ABLIM1: variants seen among roughly 807,000 people sequenced by gnomAD.
ABLIM1 encodes actin-binding LIM protein 1.
In ABLIM1, 40 loss-of-function variants were observed where a neutral mutation model predicts 107.0. The observed-to-expected ratio is 0.37, with a 90% CI of 0.29 to 0.49. The LOEUF (loss-of-function observed/expected upper bound fraction) is 0.49, where lower values mean the gene tolerates loss of function less well. Among genes scored for constraint, ABLIM1 ranks in the 20% least tolerant of loss-of-function variants. The probability of loss-of-function intolerance (pLI) is 0.97; values close to 1 mark genes in which losing one functional copy is unlikely to be tolerated. For synonymous variants in ABLIM1, 357 were observed against 357.3 expected, an observed-to-expected ratio of 1.00 and a Z score of 0.01; for missense variants, 857 against 1,008.5, an observed-to-expected ratio of 0.85 and a Z score of 2.04.
chr10:114,769,758 C>A (rs2083000810), upstream of ABLIM1, among the ~76,000 whole-genome samples: 1 of 151,580 alleles, frequency 6.6e-6, no homozygotes, highest in Non-Finnish European at 1.5e-5. Flanking sequence ...TGAAAAAAAC[C>A]CAACCAAATG....
At chr10:114,643,027 G>A (rs955634) in intron 1 of ABLIM1, among the ~76,000 whole-genome samples, 10,753 of 152,242 alleles carry the variant, frequency 0.071, 462 homozygotes, top group South Asian at 0.12. Context: ...ACAGAAAGGT[G>A]TTCAGGAAGC....
At chr10:114,667,629 T>C (rs2080080916) in intron 1 of ABLIM1, among the ~76,000 whole-genome samples, 1 of 152,200 alleles carries the variant, frequency 6.6e-6, no homozygotes, top group South Asian at 2.1e-4. Context: ...TCTGTCAAGA[T>C]ATAGAACACT....
the ABLIM1 span, among the ~76,000 whole-genome samples, chr10:114,799,815 A>C: frequency 6.6e-6 from 1 of 152,102 alleles, no homozygotes; most frequent in South Asian, 2.1e-4. Flanking sequence ...TCTGTTGTCC[A>C]AGCTGGAGTG....
chr10:114,765,377 C>A (rs75195500), intron 1 of ABLIM1, among the ~76,000 whole-genome samples: 3,036 of 151,562 alleles, frequency 0.02, 87 homozygotes, highest in African/African-American at 0.068. Context: ...AAAAAATATT[C>A]TATTATTCCT....
At chr10:114,555,661 C>T (rs1285877977) in intron 4 of ABLIM1, among the ~76,000 whole-genome samples, 1 of 152,148 alleles carries the variant, frequency 6.6e-6, no homozygotes, top group Non-Finnish European at 1.5e-5. Flanking sequence ...CTAACCAATG[C>T]TTGCTGAGAC....
intron 6 of ABLIM1, among the ~76,000 whole-genome samples, chr10:114,501,005 A>C (rs1388317528): frequency 6.6e-6 from 1 of 152,198 alleles, no homozygotes; most frequent in Admixed American, 6.5e-5. Flanking sequence ...CAGTGAATTA[A>C]TATGCCAACA....
At chr10:114,437,321 C>CT (rs1314987276) in intron 22 of ABLIM1, among the ~76,000 whole-genome samples, 12,381 of 134,562 alleles carry the variant, frequency 0.092, 534 homozygotes, top group African/African-American at 0.1. Context: ...TTCTTTCTTT[C>CT]TTTTTTTTTT....
the ABLIM1 span, among the ~76,000 whole-genome samples, chr10:114,800,769 A>G: frequency 6.6e-6 from 1 of 152,146 alleles, no homozygotes; most frequent in Non-Finnish European, 1.5e-5. Context: ...AAAATTAGCC[A>G]GGCATGGCGC....
chr10:114,528,610 A>G (rs1400297392), intron 6 of ABLIM1, among the ~76,000 whole-genome samples: 2 of 152,180 alleles, frequency 1.3e-5, no homozygotes, highest in Non-Finnish European at 2.9e-5. Flanking sequence ...GCATCTGTGG[A>G]CTTCCCTGTA....
chr10:114,660,011 T>C (rs2079718489), upstream of ABLIM1, among the ~76,000 whole-genome samples: 1 of 152,220 alleles, frequency 6.6e-6, no homozygotes, highest in African/African-American at 2.4e-5. Context: ...AGAATTATTC[T>C]ATGCCAATGT....
chr10:114,675,040 C>T (rs1360269667), intron 1 of ABLIM1, among the ~76,000 whole-genome samples: 1 of 152,050 alleles, frequency 6.6e-6, no homozygotes, highest in Non-Finnish European at 1.5e-5. Flanking sequence ...GTGGTTATAA[C>T]CAAATGCTCC....
At chr10:114,499,050 C>T (rs1276980095) in intron 6 of ABLIM1, among the ~76,000 whole-genome samples, 3 of 152,206 alleles carry the variant, frequency 2.0e-5, no homozygotes, top group African/African-American at 7.2e-5. Flanking sequence ...TTTACCCAAA[C>T]CCACCAGTGC....
chr10:114,757,955 T>C (rs1435501112), intron 1 of ABLIM1, among the ~76,000 whole-genome samples: 1 of 152,108 alleles, frequency 6.6e-6, no homozygotes, highest in Non-Finnish European at 1.5e-5. Flanking sequence ...TGCCTCCTGG[T>C]CCTGACAGCT....
chr10:114,751,479 C>T (rs1022772818), intron 1 of ABLIM1, among the ~76,000 whole-genome samples: 32 of 152,012 alleles, frequency 2.1e-4, no homozygotes, highest in African/African-American at 7.2e-4. Flanking sequence ...GAATATGTCA[C>T]AAGCACCATT....
intron 1 of ABLIM1, among the ~76,000 whole-genome samples, chr10:114,623,142 TG>T (rs1210650673): frequency 6.6e-6 from 1 of 152,216 alleles, no homozygotes; most frequent in East Asian, 1.9e-4. Flanking sequence ...GTATTGTTAA[TG>T]AACTTTTACC....
chr10:114,578,262 C>T (rs2072862842), intron 2 of ABLIM1, among the ~76,000 whole-genome samples: 1 of 152,192 alleles, frequency 6.6e-6, no homozygotes, highest in South Asian at 2.1e-4. Flanking sequence ...TCTCTCAAAC[C>T]CAGCATTTTC....
In ABLIM1 at chr10:114,619,188, C is replaced by A. The variant is rs867826059; in HGVS notation, c.245-17227G>T. On this transcript the variant is annotated intron_variant, in intron 1 of 22. Coordinates refer to ENST00000533213, the MANE Select transcript of ABLIM1 (RefSeq NM_002313.7). This position sits in a 1 kb window ranked among gnomAD's most constrained non-coding sequence, Gnocchi z 4.1. Reference sequence around the variant, plus strand: ...TATATTTTTTCTTTTTTTTTTCTTTCTCTTTCTTTCTTTTCTTTTTTTTTT... The same window carrying A: ...TATATTTTTTCTTTTTTTTTTCTTTATCTTTCTTTCTTTTCTTTTTTTTTT... 7.4e-5 allele frequency among the ~76,000 whole-genome samples: 11 copies of A among 148,744 alleles called. No homozygotes were observed. Among genetic ancestry groups the A allele is most frequent in the Admixed American group, 4.0e-4 (6 of 14,882 alleles).
intron 4 of ABLIM1, among the ~76,000 whole-genome samples, chr10:114,563,914 G>A (rs60117795): frequency 2.8e-5 from 4 of 143,984 alleles, no homozygotes; most frequent in Non-Finnish European, 6.0e-5. Flanking sequence ...TGCTCAATGA[G>A]ATGTTTGTTG....
At chr10:114,641,096 T>C (rs2483518) in intron 1 of ABLIM1, among the ~76,000 whole-genome samples, 2,908 of 152,042 alleles carry the variant, frequency 0.019, 86 homozygotes, top group African/African-American at 0.066. Flanking sequence ...AAATTCAAGT[T>C]TTCAAAAGCA....
Sources: allele counts gnomAD v4.1 joint callset (sites outside exome capture counted in the v4.1 genomes callset), GRCh38; gene constraint gnomAD v4.1.1; non-coding constraint Gnocchi (gnomAD v3.1); transcripts MANE v1.5; gene names NCBI Gene and HGNC (gene_info 2026-07-23, HGNC 2026-07-21).